Variants in IL4I1 observed in about 807,000 individuals in gnomAD.
The protein encoded by IL4I1 is L-amino-acid oxidase.
IL4I1 carries 24 observed loss-of-function variants against 29.7 expected under a neutral mutation model. That is an observed-to-expected ratio of 0.81 (90% CI 0.59 to 1.14). The LOEUF (loss-of-function observed/expected upper bound fraction) is 1.14, where lower values mean the gene tolerates loss of function less well. Ranked by LOEUF, IL4I1 falls within the 50% of genes most tolerant of loss-of-function variation. The pLI is 0.00. For missense variants in IL4I1, 686 were observed against 785.6 expected (o/e 0.87, Z 1.52); for synonymous variants, 371 against 352.5 (o/e 1.05, Z -0.59).
chr19:49,904,723 CTTAT>C (rs2075300104), intron 2 of IL4I1, among the ~76,000 whole-genome samples: 1 of 150,302 alleles, frequency 6.7e-6, no homozygotes, highest in Non-Finnish European at 1.5e-5. Flanking sequence ...TATTTATTTA[CTTAT>C]TTGAGACGGA....
At chr19:49,906,237 C>A (rs2075321871) in intron 2 of IL4I1, among the ~76,000 whole-genome samples, 1 of 151,874 alleles carries the variant, frequency 6.6e-6, no homozygotes, top group Non-Finnish European at 1.5e-5. Flanking sequence ...GAGACAGAGT[C>A]TTGCTCTGTC....
At chr19:49,897,704 G>A (rs916134348), upstream of IL4I1, among the ~76,000 whole-genome samples, 2 of 152,146 alleles carry the variant, frequency 1.3e-5, no homozygotes, top group African/African-American at 2.4e-5. Context: ...GGAGTGGGGC[G>A]GCACCTTGGA....
intron 3 of IL4I1, among the ~76,000 whole-genome samples, chr19:49,903,395 C>T (rs2075287744): frequency 6.6e-6 from 1 of 152,112 alleles, no homozygotes; most frequent in African/African-American, 2.4e-5. Flanking sequence ...ATGTGGGTCA[C>T]TGTGTTTGAA....
chr19:49,909,457 G>A, intron 2 of IL4I1: 1 of 1,614,140 alleles, frequency 6.2e-7, no homozygotes. Flanking sequence ...GGTTGCTGCT[G>A]CCCAGCCCAA....
intron 2 of IL4I1, among the ~76,000 whole-genome samples, chr19:49,911,774 G>A (rs578218894): frequency 2.4e-4 from 37 of 152,308 alleles, no homozygotes; most frequent in African/African-American, 5.3e-4. Flanking sequence ...CAGTCTCTCC[G>A]GGGCTGGGAT....
At chr19:49,900,779 G>T (rs889647284), upstream of IL4I1, among the ~76,000 whole-genome samples, 1 of 152,174 alleles carries the variant, frequency 6.6e-6, no homozygotes, top group African/African-American at 2.4e-5. Flanking sequence ...TGGTTTGGGG[G>T]TATTCTGGTT....
intron 2 of IL4I1, among the ~76,000 whole-genome samples, chr19:49,917,029 A>G (rs922536806): frequency 1.3e-5 from 2 of 152,274 alleles, no homozygotes; most frequent in African/African-American, 4.8e-5. Flanking sequence ...CAAGACGGAC[A>G]GGGTGCGGAG....
chr19:49,901,224 A>C (rs540631368), upstream of IL4I1, among the ~76,000 whole-genome samples: 266 of 152,234 alleles, frequency 1.7e-3, 2 homozygotes, highest in Non-Finnish European at 4.7e-4. Context: ...TCTACTAAAA[A>C]TACAAAAAAA....
chr19:49,908,014 G>A, intron 2 of IL4I1: 2 of 910,132 alleles, frequency 2.2e-6, no homozygotes, highest in Admixed American at 5.9e-5. Flanking sequence ...ATACTCAAAT[G>A]AAAGCCACAG....
At chr19:49,891,302 G>A (rs901795505) in intron 6 of IL4I1, 103 bp downstream of exon 6, 116 of 1,434,154 alleles carry the variant, frequency 8.1e-5, no homozygotes, top group Non-Finnish European at 1.1e-4. Context: ...GGAAGGCGGT[G>A]GCAGGACTAG....
chr19:49,913,575 G>A lies in IL4I1; in HGVS notation c.-227-9254C>T, dbSNP rs140649326. ...GCGTTACCACACGCTGTTGCAGGGA[G>A]AACTGAGCACTGTCCGCGGGACTCT... On this transcript the variant is annotated intron_variant, in intron 2 of 9. Coordinates refer to the IL4I1 transcript ENST00000341114. Among the ~76,000 whole-genome samples the A allele has an allele frequency of 2.5e-3, 382 of 152,384 alleles. 2 individuals are homozygous for A. Among genetic ancestry groups the A allele is most frequent in the Middle Eastern group, 6.8e-3 (2 of 294 alleles).
intron 2 of IL4I1, chr19:49,908,000 A>T: frequency 1.3e-6 from 1 of 799,296 alleles, no homozygotes; most frequent in Non-Finnish European, 1.9e-6. Flanking sequence ...AAAAGGGGCC[A>T]AAGATACTCA....
At chr19:49,890,928 T>TGGGGGGGGGGG in intron 7 of IL4I1, 43 bp downstream of exon 7, 5 of 633,178 alleles carry the variant, frequency 7.9e-6, no homozygotes, top group Non-Finnish European at 7.3e-6. Flanking sequence ...TTTCCCTGAT[T>TGGGGGGGGGGG]GCCCCCCGCC....
intron 2 of IL4I1, among the ~76,000 whole-genome samples, chr19:49,923,021 T>C (rs2075800753): frequency 6.6e-6 from 1 of 152,118 alleles, no homozygotes. Context: ...CGGTGAGTGA[T>C]GGCATCCTGG....
intron 5 of IL4I1, among the ~76,000 whole-genome samples, chr19:49,893,683 G>A (rs1431522949): frequency 6.6e-6 from 1 of 152,038 alleles, no homozygotes; most frequent in Admixed American, 6.6e-5. Context: ...CAGTGTTTAC[G>A]GGGAAGCTAA....
At chr19:49,891,625 C>A in intron 5 of IL4I1, 152 bp from the exon 6 acceptor site, 1 of 659,768 alleles carries the variant, frequency 1.5e-6, no homozygotes, top group Non-Finnish European at 2.7e-6. Context: ...CACACCATGC[C>A]CTCCGCCTTG....
chr19:49,899,184 C>A (rs184543522), upstream of IL4I1, among the ~76,000 whole-genome samples: 2 of 152,226 alleles, frequency 1.3e-5, no homozygotes, highest in South Asian at 4.1e-4. Flanking sequence ...GTCCTACAGC[C>A]GCATAACAGT....
intron 2 of IL4I1, among the ~76,000 whole-genome samples, chr19:49,924,665 C>T (rs2075842503): frequency 6.6e-6 from 1 of 152,196 alleles, no homozygotes. Flanking sequence ...GGAATGTGCA[C>T]ACGAGGGGAC....
intron 5 of IL4I1, among the ~76,000 whole-genome samples, 158 bp downstream of exon 5, chr19:49,894,110 G>GCA (rs1298564921): frequency 6.6e-5 from 10 of 151,992 alleles, no homozygotes; most frequent in Admixed American, 6.6e-4. Flanking sequence ...AGACCTCATG[G>GCA]CACACATCCC....
Sources: allele counts gnomAD v4.1 joint callset (sites outside exome capture counted in the v4.1 genomes callset), GRCh38; gene constraint gnomAD v4.1.1; transcripts MANE v1.5; gene names NCBI Gene and HGNC (gene_info 2026-07-23, HGNC 2026-07-21).